HSPA12A: variants seen among roughly 807,000 people sequenced by gnomAD.
The protein encoded by HSPA12A is heat shock protein family A (Hsp70) member 12A, also known as heat shock 70 kDa protein 12A.
A neutral mutation model predicts 69.2 loss-of-function variants in HSPA12A; 28 were observed. The ratio of observed to expected loss-of-function variants is 0.40; its 90% CI spans 0.30 to 0.55. HSPA12A has a LOEUF of 0.55. HSPA12A is among the 20% of genes least tolerant of loss of function. HSPA12A has a pLI of 0.38. For synonymous variants in HSPA12A, 345 were observed against 370.5 expected, an observed-to-expected ratio of 0.93 and a Z score of 0.79; for missense variants, 686 against 900.7, an observed-to-expected ratio of 0.76 and a Z score of 3.05.
intron 2 of HSPA12A, among the ~76,000 whole-genome samples, chr10:116,778,129 C>T (rs1844382177): frequency 6.6e-6 from 1 of 152,170 alleles, no homozygotes; most frequent in African/African-American, 2.4e-5. Context: ...ATTGGGGGGG[C>T]CTTGGTTGGC....
In HSPA12A at chr10:116,683,877, C is replaced by T. The variant is rs1195155414; in HGVS notation, c.749G>A (p.Arg250Gln). The T allele has an allele frequency of 1.8e-5, 29 of 1,600,096 alleles. No homozygotes were observed. The highest frequency in any genetic ancestry group is 4.0e-5 in the African/African-American group (3 of 74,650). The change falls in exon 7 of 12, where the codon CGG becomes CAG. Residue 250 changes from arginine to glutamine, a missense_variant. Transcript: ENST00000369209. Reference protein sequence around the residue: ...EAASIYCRKLRLHQMIELSSK... With the variant: ...EAASIYCRKLQLHQMIELSSK... The stretch of plus-strand genomic sequence containing the variant: ...GCTCAGCTCAATCATCTGGTGTAGC[C>T]GCAGCTTTCGGCAGTAGATAGAGGC...
intron 2 of HSPA12A, among the ~76,000 whole-genome samples, chr10:116,792,531 C>T (rs1392336363): frequency 6.6e-6 from 1 of 150,434 alleles, no homozygotes; most frequent in Non-Finnish European, 1.5e-5. Context: ...AATCCCAGCA[C>T]TTTGGGAGGC....
At chr10:116,685,844 C>A (rs1337123208) in intron 6 of HSPA12A, among the ~76,000 whole-genome samples, 4 of 152,090 alleles carry the variant, frequency 2.6e-5, no homozygotes, top group Non-Finnish European at 5.9e-5. Context: ...CCAAATGCCT[C>A]AAAATGGCAG....
intron 2 of HSPA12A, among the ~76,000 whole-genome samples, chr10:116,757,960 T>C (rs1241606039): frequency 6.6e-6 from 1 of 152,254 alleles, no homozygotes; most frequent in Non-Finnish European, 1.5e-5. Flanking sequence ...AACATATCAA[T>C]AGGAGTAGCC....
Position 116,681,220 on chromosome 10 carries a change from G to T in HSPA12A, c.959C>A (p.Thr320Asn). 4 of 1,614,110 alleles carry T rather than the reference G, an allele frequency of 2.5e-6. No homozygotes were observed. Among genetic ancestry groups the T allele is most frequent in the Non-Finnish European group, 3.4e-6 (4 of 1,180,012 alleles). Reference protein sequence around the residue: ...KYVVVDSGGGTVDLTVHQIRL... With the variant: ...KYVVVDSGGGNVDLTVHQIRL... Reference sequence around the variant, plus strand: ...GATCTGATGGACTGTCAGGTCTACGGTGCCACCGCCACTGTCCACAACCAC... The same window carrying T: ...GATCTGATGGACTGTCAGGTCTACGTTGCCACCGCCACTGTCCACAACCAC... The change falls in exon 9 of 12, where the codon ACC becomes AAC. Residue 320 changes from threonine to asparagine, a missense_variant. By Grantham distance (65) the Thr-to-Asn change is moderately conservative. Coordinates refer to ENST00000369209, the MANE Select transcript of HSPA12A (RefSeq NM_025015.3).
chr10:116,742,381 C>T, intron 1 of HSPA12A, 49 bp downstream of exon 1: 1 of 1,422,402 alleles, frequency 7.0e-7, no homozygotes, highest in Non-Finnish European at 9.2e-7. Flanking sequence ...GCGCCTCCTC[C>T]CTCCCTGCCC....
intron 1 of HSPA12A, among the ~76,000 whole-genome samples, chr10:116,845,743 G>A (rs1275030534): frequency 6.6e-6 from 1 of 152,106 alleles, no homozygotes; most frequent in Non-Finnish European, 1.5e-5. Context: ...AAATGGAAAT[G>A]CAATCACCGA....
At chr10:116,706,520 C>T (rs984783362) in intron 2 of HSPA12A, among the ~76,000 whole-genome samples, 6 of 152,160 alleles carry the variant, frequency 3.9e-5, no homozygotes, top group African/African-American at 1.2e-4. Context: ...GCAGTGACTC[C>T]GCAGTTCTCC....
At chr10:116,825,442 C>A (rs1285246556) in intron 2 of HSPA12A, among the ~76,000 whole-genome samples, 1 of 152,008 alleles carries the variant, frequency 6.6e-6, no homozygotes, top group East Asian at 1.9e-4. Flanking sequence ...ACCTGGGAGG[C>A]AGAGGTTGCA....
At chr10:116,721,312 T>A (rs2133025204) in intron 1 of HSPA12A, among the ~76,000 whole-genome samples, 1 of 152,166 alleles carries the variant, frequency 6.6e-6, no homozygotes, top group South Asian at 2.1e-4. Context: ...CCGAATTTGC[T>A]CAAAGTCTTT....
intron 2 of HSPA12A, among the ~76,000 whole-genome samples, chr10:116,826,532 T>C (rs1328329045): frequency 6.6e-6 from 1 of 152,202 alleles, no homozygotes; most frequent in Non-Finnish European, 1.5e-5. Flanking sequence ...TGGGAACTGA[T>C]GGACGACACG....
chr10:116,798,284 C>T (rs1424511594), intron 2 of HSPA12A, among the ~76,000 whole-genome samples: 1 of 152,130 alleles, frequency 6.6e-6, no homozygotes, highest in Admixed American at 6.5e-5. Flanking sequence ...CCAAGGTAAC[C>T]AACTGTCTTG....
At chr10:116,700,859 G>A in intron 4 of HSPA12A, 84 bp downstream of exon 4, 1 of 1,376,988 alleles carries the variant, frequency 7.3e-7, no homozygotes, top group Non-Finnish European at 1.0e-6. Context: ...TGGGTTGGGA[G>A]GACATCCCTT....
chr10:116,716,024 C>G (rs1850592108), intron 1 of HSPA12A, among the ~76,000 whole-genome samples: 1 of 152,180 alleles, frequency 6.6e-6, no homozygotes, highest in African/African-American at 2.4e-5. Flanking sequence ...AGATGTCCAG[C>G]CACCAGCTGA....
intron 2 of HSPA12A, among the ~76,000 whole-genome samples, chr10:116,820,512 C>T (rs184663610): frequency 3.9e-4 from 59 of 152,204 alleles, no homozygotes; most frequent in African/African-American, 1.4e-3. Flanking sequence ...CCTCATCAGA[C>T]GTGGCCAGTC....
intron 1 of HSPA12A, among the ~76,000 whole-genome samples, chr10:116,724,267 C>T (rs1214952470): frequency 4.6e-5 from 7 of 152,124 alleles, no homozygotes; most frequent in African/African-American, 1.7e-4. Flanking sequence ...CACTCTCTCC[C>T]CATGGGATCT....
At chr10:116,680,361 T>C (rs1465969025) in intron 9 of HSPA12A, among the ~76,000 whole-genome samples, 1 of 152,244 alleles carries the variant, frequency 6.6e-6, no homozygotes, top group Non-Finnish European at 1.5e-5. Context: ...CATTATGGTA[T>C]TCCAATCCAA....
intron 2 of HSPA12A, among the ~76,000 whole-genome samples, chr10:116,791,284 G>T (rs1035972212): frequency 8.5e-5 from 13 of 152,348 alleles, no homozygotes; most frequent in Middle Eastern, 3.4e-3. Flanking sequence ...TGTGTTTAAA[G>T]CATCTTTTCC....
intron 1 of HSPA12A, among the ~76,000 whole-genome samples, chr10:116,737,227 C>T (rs1456509731): frequency 2.6e-5 from 4 of 152,158 alleles, no homozygotes; most frequent in African/African-American, 7.2e-5. Context: ...AACCACTACG[C>T]TTCCCAAATC....
Sources: allele counts gnomAD v4.1 joint callset (sites outside exome capture counted in the v4.1 genomes callset), GRCh38; gene constraint gnomAD v4.1.1; transcripts MANE v1.5; gene names NCBI Gene and HGNC (gene_info 2026-07-23, HGNC 2026-07-21).